UGGT2: variants seen among roughly 807,000 people sequenced by gnomAD.
UGGT2 encodes UDP-glucose glycoprotein glucosyltransferase 2, also known as UDP-glucose:glycoprotein glucosyltransferase 2.
A neutral mutation model predicts 192.1 loss-of-function variants in UGGT2; 180 were observed. The ratio of observed to expected loss-of-function variants is 0.94; its 90% CI spans 0.83 to 1.06. The LOEUF is 1.06. UGGT2 is among the 50% of genes least tolerant of loss of function. The probability of loss-of-function intolerance (pLI) is 0.00; values close to 1 mark genes in which losing one functional copy is unlikely to be tolerated. For synonymous variants in UGGT2, 580 were observed against 591.0 expected (o/e 0.98, Z 0.27); for missense variants, 1,849 against 1,795.7 (o/e 1.03, Z -0.54).
At chr13:95,810,058 G>A (rs1181195962) in intron 38 of UGGT2, among the ~76,000 whole-genome samples, 6 of 152,086 alleles carry the variant, frequency 3.9e-5, no homozygotes, top group African/African-American at 9.7e-5. Context: ...TGGTCCTTAC[G>A]CTGGATACAT....
chr13:96,006,487 T>C (rs1240904238), intron 5 of UGGT2, among the ~76,000 whole-genome samples: 2 of 151,610 alleles, frequency 1.3e-5, no homozygotes, highest in Non-Finnish European at 2.9e-5. Flanking sequence ...TAGCCAGGCA[T>C]GGTGGTGTGT....
At chr13:95,968,954 A>G (rs1342912232) in intron 12 of UGGT2, among the ~76,000 whole-genome samples, 1 of 152,132 alleles carries the variant, frequency 6.6e-6, no homozygotes, top group African/African-American at 2.4e-5. Context: ...GGTCCTGATA[A>G]TTAAGCTCTT....
chr13:95,868,089 G>T (rs922483672), intron 29 of UGGT2, among the ~76,000 whole-genome samples: 52 of 152,244 alleles, frequency 3.4e-4, no homozygotes, highest in African/African-American at 1.2e-3. Context: ...GTTGAATTTT[G>T]TTGAAGGGGA....
At chr13:95,932,577 C>T (rs1183467624) in intron 17 of UGGT2, among the ~76,000 whole-genome samples, 1 of 151,948 alleles carries the variant, frequency 6.6e-6, no homozygotes, top group Non-Finnish European at 1.5e-5. Context: ...TATTTGGATG[C>T]CTTTTATTTA....
chr13:95,899,563 T>C (rs893981196), intron 22 of UGGT2, among the ~76,000 whole-genome samples: 2 of 152,080 alleles, frequency 1.3e-5, no homozygotes, highest in Admixed American at 1.3e-4. Flanking sequence ...AATAACACTA[T>C]ATGAATTATA....
intron 2 of UGGT2, among the ~76,000 whole-genome samples, chr13:96,031,172 G>C (rs1278498654): frequency 2.0e-5 from 3 of 152,012 alleles, no homozygotes; most frequent in Non-Finnish European, 4.4e-5. Flanking sequence ...GGAAATCTCT[G>C]TACTTTCTGT....
chr13:95,903,577 G>A (rs1024775305), intron 20 of UGGT2, among the ~76,000 whole-genome samples: 8 of 150,832 alleles, frequency 5.3e-5, no homozygotes, highest in South Asian at 2.1e-4. Flanking sequence ...CATATAAATG[G>A]AGTCATGCAG....
chr13:95,890,731 C>T, intron 25 of UGGT2, 131 bp downstream of exon 25: 3 of 722,390 alleles, frequency 4.2e-6, no homozygotes, highest in Non-Finnish European at 7.0e-6. Context: ...TCATTTTCTA[C>T]ATTGAAATAT....
chr13:95,897,022 A>G (rs1024176428), intron 22 of UGGT2, among the ~76,000 whole-genome samples: 4 of 152,100 alleles, frequency 2.6e-5, no homozygotes, highest in Non-Finnish European at 4.4e-5. Flanking sequence ...ATTTTATGCT[A>G]ACTTTTAGCT....
chr13:95,812,856 A>C (rs1023868533), intron 38 of UGGT2, among the ~76,000 whole-genome samples: 1 of 152,084 alleles, frequency 6.6e-6, no homozygotes, highest in Non-Finnish European at 1.5e-5. Context: ...TCCCCCATTT[A>C]TGAGGTAGTG....
At chr13:95,858,058 AG>A (rs1210462974) in intron 33 of UGGT2, among the ~76,000 whole-genome samples, 3 of 146,464 alleles carry the variant, frequency 2.0e-5, no homozygotes, top group Non-Finnish European at 4.5e-5. Context: ...TTGGTGGTGG[AG>A]GGCAAATGGG....
chr13:95,990,594 T>C (rs1239762909), intron 7 of UGGT2: 1 of 152,236 alleles, frequency 6.6e-6, no homozygotes, highest in African/African-American at 2.4e-5. Context: ...AATGGTATTT[T>C]ACTATACACA....
chr13:96,014,225 A>G (rs1464767992), intron 4 of UGGT2, among the ~76,000 whole-genome samples: 1 of 152,218 alleles, frequency 6.6e-6, no homozygotes, highest in East Asian at 1.9e-4. Context: ...GGAAGTTCAG[A>G]GTAACAAGGA....
intron 27 of UGGT2, among the ~76,000 whole-genome samples, chr13:95,880,704 T>C (rs573988962): frequency 8.0e-4 from 122 of 152,330 alleles, no homozygotes; most frequent in African/African-American, 2.8e-3. Flanking sequence ...AAATCTCGCA[T>C]GACAGTGCTT....
chr13:95,891,093 C>T, intron 24 of UGGT2, 129 bp from the exon 25 acceptor site: 1 of 602,764 alleles, frequency 1.7e-6, no homozygotes, highest in Non-Finnish European at 2.8e-6. Flanking sequence ...CTGGTTATTT[C>T]ACACAATGCT....
chr13:95,963,682 A>G (rs1358230964), intron 12 of UGGT2, among the ~76,000 whole-genome samples: 1 of 152,220 alleles, frequency 6.6e-6, no homozygotes, highest in African/African-American at 2.4e-5. Context: ...TAAATTCAAT[A>G]AAGTTGCAGG....
chr13:95,887,853 C>A, intron 26 of UGGT2, 39 bp downstream of exon 26: 1 of 1,309,520 alleles, frequency 7.6e-7, no homozygotes, highest in Non-Finnish European at 1.1e-6. Context: ...TCAGCATTTA[C>A]AAATTTTTCA....
At chr13:95,943,042 T>C (rs1235926611) in intron 15 of UGGT2, among the ~76,000 whole-genome samples, 2 of 152,160 alleles carry the variant, frequency 1.3e-5, no homozygotes, top group Non-Finnish European at 2.9e-5. Context: ...GTCACTTCTG[T>C]ATTCTTAAGT....
rs11616440 is a variant in UGGT2 at position 95,832,965 on chromosome 13, T to C, written c.4490A>G (p.Gln1497Arg). Reference protein sequence around the residue: ...EWVEYDAEIRQLLDHLENKKQ... With the variant: ...EWVEYDAEIRRLLDHLENKKQ... ...CTTGTTTTCAAGATGATCTAATAGT[T>C]GTCTTATCTCAGCATCATACTCCAC... Residue 1497 changes from glutamine (Q) to arginine (R), a missense_variant, in exon 38 of 39, where the codon CAA (glutamine) becomes CGA (arginine). Physicochemically the swap from Gln to Arg is conservative, Grantham distance 43. Coordinates refer to ENST00000376747, the MANE Select transcript of UGGT2 (RefSeq NM_020121.4). 6.2e-7 allele frequency: 1 copy of C among 1,612,878 alleles called. No individual in the cohort carries two copies. The highest frequency in any genetic ancestry group is 1.1e-5 in the South Asian group (1 of 91,026).
Sources: allele counts gnomAD v4.1 joint callset (sites outside exome capture counted in the v4.1 genomes callset), GRCh38; gene constraint gnomAD v4.1.1; transcripts MANE v1.5; gene names NCBI Gene and HGNC (gene_info 2026-07-23, HGNC 2026-07-21).